SLCO3A1: variants seen among roughly 807,000 people sequenced by gnomAD.
SLCO3A1 encodes the protein solute carrier organic anion transporter family member 3A1.
A neutral mutation model predicts 63.1 loss-of-function variants in SLCO3A1; 27 were observed. The observed-to-expected ratio is 0.43, with a 90% CI of 0.32 to 0.59. The LOEUF (loss-of-function observed/expected upper bound fraction) is 0.59. SLCO3A1 is among the 20% of genes least tolerant of loss of function. The pLI is 0.09. For synonymous variants in SLCO3A1, 473 were observed against 409.9 expected (o/e 1.15, Z -1.86); for missense variants, 773 against 945.8 (o/e 0.82, Z 2.40).
intron 1 of SLCO3A1, among the ~76,000 whole-genome samples, chr15:91,866,493 A>G (rs954944926): frequency 4.0e-5 from 6 of 151,844 alleles, no homozygotes; most frequent in Middle Eastern, 3.4e-3. Flanking sequence ...TCTGCATTCT[A>G]ATCTCATCCA....
chr15:92,144,716 C>G (rs1033646918), intron 7 of SLCO3A1, among the ~76,000 whole-genome samples: 4 of 152,232 alleles, frequency 2.6e-5, no homozygotes, highest in Non-Finnish European at 5.9e-5. Context: ...TGTCCAGCTC[C>G]CGTCCTTGCA....
rs550718671 is a variant in SLCO3A1, at chr15:92,010,660, G to C, written c.647-84221G>C. ...TAAATTTTTCTCCTGTAACTCTGTTGTTGATGTCAGTGGGGATCAAATGTT... is the reference window on the plus strand; with the variant it reads ...TAAATTTTTCTCCTGTAACTCTGTTCTTGATGTCAGTGGGGATCAAATGTT... On this transcript the variant is annotated intron_variant, in intron 2 of 9. Transcript: ENST00000318445. Among the ~76,000 whole-genome samples, 33 of 152,228 alleles carry C rather than the reference G, an allele frequency of 2.2e-4. No individual in the cohort carries two copies. The South Asian group carries it at 6.7e-3, about 31-fold the overall frequency.
At chr15:92,026,348 C>G (rs1306452241) in intron 2 of SLCO3A1, among the ~76,000 whole-genome samples, 2 of 152,208 alleles carry the variant, frequency 1.3e-5, no homozygotes, top group Non-Finnish European at 2.9e-5. Flanking sequence ...TGTTCCTCCA[C>G]AGCCTATAAG....
intron 9 of SLCO3A1, chr15:92,162,354 T>G (rs2048450327): frequency 5.9e-6 from 1 of 169,532 alleles, no homozygotes; most frequent in South Asian, 1.5e-4. Flanking sequence ...TTCACCATGT[T>G]GGCCAGGCTG....
At chr15:91,944,829 CTT>C (rs1899748441) in intron 2 of SLCO3A1, among the ~76,000 whole-genome samples, 1 of 152,154 alleles carries the variant, frequency 6.6e-6, no homozygotes, top group Non-Finnish European at 1.5e-5. Flanking sequence ...CTCTCTCTCT[CTT>C]TCTCTCCCCC....
intron 1 of SLCO3A1, among the ~76,000 whole-genome samples, chr15:91,879,007 A>G (rs1796617103): frequency 6.6e-6 from 1 of 152,166 alleles, no homozygotes; most frequent in African/African-American, 2.4e-5. Context: ...ATTACAACAT[A>G]TCTATGAAGT....
At chr15:92,144,096 G>C (rs7175816) in intron 7 of SLCO3A1, among the ~76,000 whole-genome samples, 1 of 152,206 alleles carries the variant, frequency 6.6e-6, no homozygotes, top group African/African-American at 2.4e-5. Flanking sequence ...ATGCCTGACC[G>C]TGTGACCTTC....
At chr15:92,142,583 C>T (rs561237674) in intron 7 of SLCO3A1, among the ~76,000 whole-genome samples, 6 of 152,300 alleles carry the variant, frequency 3.9e-5, no homozygotes, top group African/African-American at 1.4e-4. Context: ...CATATGGATT[C>T]TTGGGTCAAG....
intron 2 of SLCO3A1, among the ~76,000 whole-genome samples, chr15:91,970,353 G>A (rs923162850): frequency 1.3e-5 from 2 of 152,194 alleles, no homozygotes; most frequent in Non-Finnish European, 2.9e-5. Context: ...CTGGCCCCAA[G>A]CCTGGGCAGT....
chr15:91,949,306 G>A (rs568764264), intron 2 of SLCO3A1, among the ~76,000 whole-genome samples: 100 of 152,270 alleles, frequency 6.6e-4, no homozygotes, highest in Middle Eastern at 3.4e-3. Context: ...TTTCTCATCT[G>A]TTAGTGGGGA....
At chr15:92,086,684 G>T (rs2047408445) in intron 2 of SLCO3A1, among the ~76,000 whole-genome samples, 1 of 152,084 alleles carries the variant, frequency 6.6e-6, no homozygotes, top group Non-Finnish European at 1.5e-5. Flanking sequence ...TTTGTTTTAA[G>T]AAATCTTTCA....
intron 7 of SLCO3A1, 36 bp downstream of exon 7, chr15:92,128,525 C>G: frequency 3.8e-6 from 6 of 1,575,998 alleles, no homozygotes; most frequent in Non-Finnish European, 5.2e-6. Context: ...GCAGGGGATT[C>G]AGGCAGCTAA....
At chr15:92,065,107 G>C (rs191277280) in intron 2 of SLCO3A1, among the ~76,000 whole-genome samples, 5 of 141,224 alleles carry the variant, frequency 3.5e-5, no homozygotes, top group Admixed American at 6.9e-5. Flanking sequence ...TTTGCAGATA[G>C]AGTCTAGCTT....
intron 1 of SLCO3A1, among the ~76,000 whole-genome samples, chr15:91,911,467 TG>T (rs1266749782): frequency 6.6e-6 from 1 of 152,064 alleles, no homozygotes; most frequent in African/African-American, 2.4e-5. Context: ...TCACACTCTC[TG>T]GGGGTAATTT....
intron 2 of SLCO3A1, among the ~76,000 whole-genome samples, chr15:91,940,667 C>A (rs777460094): frequency 2.0e-5 from 3 of 152,106 alleles, no homozygotes; most frequent in Non-Finnish European, 4.4e-5. Flanking sequence ...TCATGTGAGT[C>A]GACTGTTTCC....
chr15:92,120,328 CAA>C, intron 4 of SLCO3A1, 135 bp from the exon 5 acceptor site: 2 of 876,924 alleles, frequency 2.3e-6, no homozygotes, highest in Non-Finnish European at 3.5e-6. Context: ...TTGGCCTTAG[CAA>C]CTGGGTACCT....
At chr15:92,080,425 C>T (rs971884919) in intron 2 of SLCO3A1, among the ~76,000 whole-genome samples, 2 of 150,486 alleles carry the variant, frequency 1.3e-5, no homozygotes, top group African/African-American at 2.4e-5. Flanking sequence ...CAACTAGAAG[C>T]AGAACTATAG....
At chr15:92,148,275 G>C (rs747061298) in intron 8 of SLCO3A1, among the ~76,000 whole-genome samples, 1 of 152,158 alleles carries the variant, frequency 6.6e-6, no homozygotes, top group Non-Finnish European at 1.5e-5. Flanking sequence ...AGATTCAATA[G>C]CAAAGGCTGG....
intron 2 of SLCO3A1, among the ~76,000 whole-genome samples, chr15:91,927,560 T>C (rs1057184223): frequency 3.9e-5 from 6 of 152,188 alleles, no homozygotes; most frequent in Non-Finnish European, 8.8e-5. Context: ...TACCACGGCC[T>C]CCTATTTCGG....
Sources: gnomAD v4.1 joint callset for allele counts (sites outside exome capture counted in the v4.1 genomes callset) on GRCh38, gnomAD v4.1.1 for gene constraint, MANE v1.5 for transcripts, NCBI Gene and HGNC (gene_info 2026-07-23, HGNC 2026-07-21) for gene names.